The following CASTOR2 variants were observed in gnomAD, a reference collection of about 807,000 sequenced individuals.
CASTOR2 encodes cytosolic arginine sensor for mTORC1 subunit 2.
Under a neutral mutation model 31.2 loss-of-function variants are expected in CASTOR2, and 8 were observed. The ratio of observed to expected loss-of-function variants is 0.26; its 90% CI spans 0.15 to 0.46. CASTOR2 has a LOEUF of 0.46. CASTOR2 is among the 20% of genes least tolerant of loss of function. The pLI is 0.99. For missense variants in CASTOR2, 216 were observed against 382.1 expected (o/e 0.57, Z 3.62); for synonymous variants, 162 against 158.7 (o/e 1.02, Z -0.16).
intron 1 of CASTOR2, among the ~76,000 whole-genome samples, chr7:74,972,955 G>A (rs1369039962): frequency 3.4e-5 from 5 of 148,342 alleles, no homozygotes; most frequent in Non-Finnish European, 1.5e-5. Flanking sequence ...TGGGAGGCGT[G>A]AGCCACCATG....
intron 2 of CASTOR2, among the ~76,000 whole-genome samples, chr7:75,009,725 C>T (rs1330365778): frequency 2.1e-4 from 32 of 151,908 alleles, no homozygotes; most frequent in Non-Finnish European, 4.3e-4. Context: ...ACTTGGCATC[C>T]CCAGGGAACT....
At position 75,026,712 on chromosome 7, in the gene CASTOR2, CGTA is replaced by C. The variant is rs1805144928; in HGVS notation, c.*2014_*2016del. On this transcript the variant is annotated 3_prime_UTR_variant, in exon 9 of 9. Transcript: ENST00000616305. ...TTGCACAAAACTCCAGAACAAAACT[CGTA>C]CATTGCTGGTCCCAAAAGGGAGGTG... Among the ~76,000 whole-genome samples, 1 of 151,952 alleles carries C rather than the reference CGTA, an allele frequency of 6.6e-6. No individual in the cohort carries two copies. Among genetic ancestry groups the C allele is most frequent in the Admixed American group, 6.6e-5 (1 of 15,248 alleles).
At chr7:74,998,861 T>C (rs1370203609) in intron 1 of CASTOR2, among the ~76,000 whole-genome samples, 2 of 152,132 alleles carry the variant, frequency 1.3e-5, no homozygotes, top group Non-Finnish European at 2.9e-5. Context: ...TCTTTGTGAT[T>C]TCTTCTGCCC....
chr7:74,992,062 A>G (rs1804224245), intron 1 of CASTOR2, among the ~76,000 whole-genome samples: 5 of 151,948 alleles, frequency 3.3e-5, no homozygotes, highest in Admixed American at 3.3e-4. Flanking sequence ...TCAATCGAAG[A>G]GGGCTTGGTG....
At chr7:75,022,965 A>G (rs924252999) in intron 7 of CASTOR2, among the ~76,000 whole-genome samples, 11 of 152,216 alleles carry the variant, frequency 7.2e-5, no homozygotes, top group African/African-American at 2.7e-4. Flanking sequence ...CATATCTCCC[A>G]GAGAGTCTGA....
intron 7 of CASTOR2, 88 bp from the exon 8 acceptor site, chr7:75,024,352 A>ATTGCC: frequency 2.3e-6 from 3 of 1,309,726 alleles, no homozygotes; most frequent in Admixed American, 2.0e-5. Flanking sequence ...CAGGGTAGGC[A>ATTGCC]TTGCCCACAG....
intron 1 of CASTOR2, among the ~76,000 whole-genome samples, chr7:74,982,070 G>GA (rs1221880591): frequency 0.017 from 1,564 of 94,740 alleles, 10 homozygotes; most frequent in Non-Finnish European, 0.023. Context: ...CCAGTCTCAA[G>GA]AAAAAAAAAA....
chr7:74,988,367 G>A (rs1804123016), intron 1 of CASTOR2, among the ~76,000 whole-genome samples: 1 of 151,908 alleles, frequency 6.6e-6, no homozygotes, highest in African/African-American at 2.4e-5. Context: ...GCGCGATCTT[G>A]GCTCACTGCA....
chr7:75,008,126 C>T (rs1316159803), intron 2 of CASTOR2, 62 bp downstream of exon 2: 40 of 1,500,996 alleles, frequency 2.7e-5, no homozygotes, highest in Non-Finnish European at 3.4e-5. Flanking sequence ...GCTGGCTGCC[C>T]ACCTCCTTAT....
rs1484026095 is a variant in CASTOR2, at chr7:75,030,301, G to A, written c.*5602G>A. Among the ~76,000 whole-genome samples, 1 of 152,232 alleles carries A rather than the reference G, an allele frequency of 6.6e-6. No individual in the cohort carries two copies. The highest frequency in any genetic ancestry group is 1.5e-5 in the Non-Finnish European group (1 of 68,054). On this transcript the variant is annotated 3_prime_UTR_variant, in exon 9 of 9. Coordinates refer to ENST00000616305, the MANE Select transcript of CASTOR2 (RefSeq NM_001145064.3). ...TGTGCAGAGCCCACACCTGAGATAT[G>A]GGACTGGCTCTTGGAGTATTTTGAG...
chr7:75,021,525 G>A (rs1205247585), intron 6 of CASTOR2, among the ~76,000 whole-genome samples: 1 of 152,188 alleles, frequency 6.6e-6, no homozygotes, highest in Non-Finnish European at 1.5e-5. Flanking sequence ...CCACTGTGGG[G>A]TGGTGGCAAA....
intron 1 of CASTOR2, among the ~76,000 whole-genome samples, chr7:74,979,036 G>A (rs1385214942): frequency 4.6e-5 from 7 of 151,678 alleles, no homozygotes; most frequent in Admixed American, 1.3e-4. Context: ...GCATAGTGGC[G>A]TGCACCTGTG....
rs1457078725 is a variant in CASTOR2, at chr7:75,026,337, G to T, written c.*1638G>T. ...CCCAAGTAGCTGGGATTACAGGCAC[G>T]CACCACCACGTCTGGCTAGTTATTG... On this transcript the variant is annotated 3_prime_UTR_variant, in exon 9 of 9. Coordinates refer to ENST00000616305, the MANE Select transcript of CASTOR2 (RefSeq NM_001145064.3). 1.3e-5 allele frequency among the ~76,000 whole-genome samples: 2 copies of T among 152,032 alleles called. No homozygotes were observed. Among genetic ancestry groups the T allele is most frequent in the South Asian group, 4.2e-4 (2 of 4,818 alleles).
At chr7:74,988,603 C>T (rs1446779530) in intron 1 of CASTOR2, among the ~76,000 whole-genome samples, 6 of 152,004 alleles carry the variant, frequency 3.9e-5, no homozygotes, top group East Asian at 3.9e-4. Flanking sequence ...GGCCCACGCT[C>T]CTTTTTTTTG....
intron 1 of CASTOR2, among the ~76,000 whole-genome samples, chr7:74,984,357 C>T (rs1467741182): frequency 4.6e-5 from 7 of 151,380 alleles, no homozygotes; most frequent in African/African-American, 9.7e-5. Context: ...GTACCATCGT[C>T]GGGCTGGAAA....
At chr7:74,965,880 ACACTCTCTCT>A (rs1381909008) in intron 1 of CASTOR2, among the ~76,000 whole-genome samples, 1 of 21,490 alleles carries the variant, frequency 4.7e-5, no homozygotes. Flanking sequence ...ACACACACAC[ACACTCTCTCT>A]CTCTCTCTCT....
At chr7:75,006,755 G>A (rs2131943748) in intron 1 of CASTOR2, among the ~76,000 whole-genome samples, 1 of 152,144 alleles carries the variant, frequency 6.6e-6, no homozygotes, top group Non-Finnish European at 1.5e-5. Flanking sequence ...TTTATAAAGG[G>A]TAGTTCCCCT....
chr7:75,007,116 T>C (rs1156489535), intron 1 of CASTOR2, among the ~76,000 whole-genome samples: 1 of 152,072 alleles, frequency 6.6e-6, no homozygotes, highest in Non-Finnish European at 1.5e-5. Flanking sequence ...CTGTGCACAC[T>C]TGGACTTGCC....
rs1261171812 is a variant in CASTOR2, at chr7:75,011,982, A to G, written c.184+3918A>G. 6.6e-5 allele frequency among the ~76,000 whole-genome samples: 10 copies of G among 152,146 alleles called. 1 individual carries two copies. In the South Asian group the frequency reaches 1.2e-3, roughly 19 times the overall value. ...ACTCCGTCTTAAAAGAAAGAAAAAA[A>G]AAAAACAAGAGTAAAGACCCATTTT... On this transcript the variant is annotated intron_variant, in intron 2 of 8. Coordinates refer to ENST00000616305, the MANE Select transcript of CASTOR2 (RefSeq NM_001145064.3).
Sources: allele counts gnomAD v4.1 joint callset (sites outside exome capture counted in the v4.1 genomes callset), GRCh38; gene constraint gnomAD v4.1.1; transcripts MANE v1.5; gene names NCBI Gene and HGNC (gene_info 2026-07-23, HGNC 2026-07-21).